HYDIN: variants seen among roughly 807,000 people sequenced by gnomAD.
The protein encoded by HYDIN is HYDIN axonemal central pair apparatus protein.
HYDIN carries 132 observed loss-of-function variants against 403.9 expected under a neutral mutation model. The ratio of observed to expected loss-of-function variants is 0.33; its 90% CI spans 0.28 to 0.38. The LOEUF is 0.38. Among genes scored for constraint, HYDIN ranks in the 10% least tolerant of loss-of-function variants. The probability of loss-of-function intolerance (pLI) is 1.00; values close to 1 mark genes in which losing one functional copy is unlikely to be tolerated. For synonymous variants in HYDIN, 1,202 were observed against 1,891.7 expected, an observed-to-expected ratio of 0.64 and a Z score of 9.46; for missense variants, 2,827 against 5,009.5, an observed-to-expected ratio of 0.56 and a Z score of 13.15.
intron 58 of HYDIN, among the ~76,000 whole-genome samples, chr16:70,887,557 C>T (rs1046058678): frequency 2.0e-5 from 3 of 152,140 alleles, no homozygotes; most frequent in African/African-American, 7.2e-5. Context: ...CACTTCTGAC[C>T]TACAGAACTA....
At chr16:71,005,454 A>T (rs899167677) in intron 23 of HYDIN, among the ~76,000 whole-genome samples, 27 of 152,090 alleles carry the variant, frequency 1.8e-4, no homozygotes, top group African/African-American at 5.6e-4. Flanking sequence ...GCTGTCTACA[A>T]GTCAGGAGGA....
At chr16:70,943,603 T>A (rs1052676326) in intron 42 of HYDIN, among the ~76,000 whole-genome samples, 1 of 152,206 alleles carries the variant, frequency 6.6e-6, no homozygotes, top group African/African-American at 2.4e-5. Context: ...TCTTCTGCTC[T>A]CTGGTCCTTG....
intron 77 of HYDIN, among the ~76,000 whole-genome samples, chr16:70,837,461 T>TA (rs1157157835): frequency 1.3e-5 from 2 of 152,124 alleles, no homozygotes; most frequent in African/African-American, 4.8e-5. Context: ...TTTGATACAG[T>TA]AAAGTTTGGT....
chr16:71,188,408 G>T (rs1303141402), intron 1 of HYDIN, among the ~76,000 whole-genome samples: 1 of 152,152 alleles, frequency 6.6e-6, no homozygotes, highest in African/African-American at 2.4e-5. Context: ...ACCAAATTTT[G>T]GTTGGGGAGC....
In HYDIN at chr16:70,857,805, G is replaced by T; in HGVS notation, c.12195C>A (p.Pro4065=). The part of the protein sequence containing the change: ...ITESSWTFLI[P]EHNITVPFLL... ...GGAAAGGGACTGTGATGTTGTGCTC[G>T]GGAATTAGGAAGGTCCATGATGACT... Residue 4065 remains proline, a synonymous_variant, in exon 72 of 86, where the codon CCC becomes CCA. Coordinates refer to ENST00000393567, the MANE Select transcript of HYDIN (RefSeq NM_001270974.2). 1.9e-6 allele frequency: 3 copies of T among 1,605,728 alleles called. No individual in the cohort carries two copies. The highest frequency in any genetic ancestry group is 2.6e-6 in the Non-Finnish European group (3 of 1,176,334).
At chr16:71,189,926 C>T (rs1435140092) in intron 1 of HYDIN, among the ~76,000 whole-genome samples, 1 of 152,034 alleles carries the variant, frequency 6.6e-6, no homozygotes, top group African/African-American at 2.4e-5. Flanking sequence ...TAAGTAGCTA[C>T]ATCAATATAG....
intron 18 of HYDIN, among the ~76,000 whole-genome samples, chr16:71,035,544 C>T (rs1166553711): frequency 7.3e-6 from 1 of 137,606 alleles, no homozygotes; most frequent in African/African-American, 2.6e-5. Flanking sequence ...CAAAGCAATA[C>T]ATGGAAATGG....
chr16:70,945,298 A>C (rs2077818924), intron 41 of HYDIN, among the ~76,000 whole-genome samples: 1 of 152,232 alleles, frequency 6.6e-6, no homozygotes, highest in African/African-American at 2.4e-5. Context: ...TTTTGACCTT[A>C]GCAACCTGGA....
At chr16:71,186,979 A>T (rs1567426496) in intron 1 of HYDIN, 61 bp from the exon 2 acceptor site, 5 of 1,106,790 alleles carry the variant, frequency 4.5e-6, no homozygotes, top group Non-Finnish European at 6.5e-6. Flanking sequence ...ACAGGTCATA[A>T]TTTTTTTTAA....
At chr16:71,071,878 T>C (rs2082478421) in intron 13 of HYDIN, among the ~76,000 whole-genome samples, 1 of 152,202 alleles carries the variant, frequency 6.6e-6, no homozygotes, top group Non-Finnish European at 1.5e-5. Context: ...TCATGGAATA[T>C]TTTAGACAAT....
chr16:70,904,519 T>TTTTTTG (rs2076478650), intron 50 of HYDIN, among the ~76,000 whole-genome samples: 1 of 52,732 alleles, frequency 1.9e-5, no homozygotes, highest in Non-Finnish European at 3.5e-5. Flanking sequence ...TTTTTTTTTT[T>TTTTTTG]GAGGGAGTTT....
At chr16:70,850,693 C>T in intron 73 of HYDIN, 38 bp from the exon 74 acceptor site, 1 of 1,393,666 alleles carries the variant, frequency 7.2e-7, no homozygotes, top group Non-Finnish European at 9.9e-7. Flanking sequence ...CCTGACTAGG[C>T]CAACTTGTCA....
chr16:70,931,320 G>A (rs985615689), intron 45 of HYDIN, among the ~76,000 whole-genome samples: 5 of 145,014 alleles, frequency 3.4e-5, no homozygotes, highest in African/African-American at 1.0e-4. Flanking sequence ...CTGAGTGGCT[G>A]GGACTACAGG....
chr16:70,971,419 C>A (rs1412141793), intron 35 of HYDIN, among the ~76,000 whole-genome samples: 1 of 152,162 alleles, frequency 6.6e-6, no homozygotes, highest in Admixed American at 6.5e-5. Context: ...CCCAAATCTA[C>A]ATTGCATCCC....
At chr16:71,106,476 C>G (rs1393870851) in intron 10 of HYDIN, among the ~76,000 whole-genome samples, 1 of 152,118 alleles carries the variant, frequency 6.6e-6, no homozygotes, top group Non-Finnish European at 1.5e-5. Flanking sequence ...GGCTATGTGT[C>G]AGTTTCCTCC....
intron 25 of HYDIN, among the ~76,000 whole-genome samples, chr16:70,990,144 C>T (rs1296394560): frequency 6.6e-6 from 1 of 151,618 alleles, no homozygotes; most frequent in Non-Finnish European, 1.5e-5. Flanking sequence ...GGCTGTAATC[C>T]CAGGACTTTG....
chr16:70,905,150 G>T (rs1361812778), intron 50 of HYDIN, among the ~76,000 whole-genome samples: 1 of 152,162 alleles, frequency 6.6e-6, no homozygotes, highest in Non-Finnish European at 1.5e-5. Flanking sequence ...GAATGACAGA[G>T]ACCAAATGAG....
intron 7 of HYDIN, among the ~76,000 whole-genome samples, chr16:71,137,948 C>T (rs2084999070): frequency 6.6e-6 from 1 of 151,886 alleles, no homozygotes; most frequent in Admixed American, 6.5e-5. Flanking sequence ...CACACACACA[C>T]ACCCCTGACA....
rs568059910 is a variant in HYDIN, at chr16:71,009,364, C to G, written c.3644+8765G>C. On this transcript the variant is annotated intron_variant, in intron 23 of 85. Transcript: ENST00000393567. ...ACCTAGACTTTCCAGATGCATGAAC[C>G]AACAAATTCTGTTTTTCTTTTCTTT... Among the ~76,000 whole-genome samples the G allele has an allele frequency of 1.1e-3, 157 of 146,238 alleles. 1 individual carries two copies. The highest frequency in any genetic ancestry group is 3.9e-3 in the African/African-American group (149 of 38,528).
Sources: allele counts gnomAD v4.1 joint callset (sites outside exome capture counted in the v4.1 genomes callset), GRCh38; gene constraint gnomAD v4.1.1; transcripts MANE v1.5; gene names NCBI Gene and HGNC (gene_info 2026-07-23, HGNC 2026-07-21).